Variants in ZNF383 observed in about 807,000 individuals in gnomAD.
ZNF383 encodes the protein zinc finger protein 383.
ZNF383 carries 32 observed loss-of-function variants against 44.2 expected under a neutral mutation model. That is an observed-to-expected ratio of 0.72 (90% confidence interval 0.55 to 0.97). The LOEUF (loss-of-function observed/expected upper bound fraction) is 0.97, where lower values mean the gene tolerates loss of function less well. Among genes scored for constraint, ZNF383 ranks in the 50% least tolerant of loss-of-function variants. The pLI, the probability that ZNF383 is intolerant of heterozygous loss-of-function variation, is 0.00. For synonymous variants in ZNF383, 155 were observed against 186.2 expected (o/e 0.83, Z 1.36); for missense variants, 487 against 562.5 (o/e 0.87, Z 1.36).
chr19:37,233,573 G>A (rs895946799), intron 3 of ZNF383, among the ~76,000 whole-genome samples: 2 of 151,750 alleles, frequency 1.3e-5, no homozygotes, highest in Non-Finnish European at 2.9e-5. Context: ...GGGACTACAG[G>A]CGCACACCAC....
In ZNF383 at chr19:37,242,846, G is replaced by A. The variant is rs929638695; in HGVS notation, c.610G>A (p.Gly204Arg). ...AAAATCTTATGAATGTAAAGAGTGT[G>A]GGAAATTCTTTAGTTGTGGTTCACA... ...GEKSYECKEC[G>R]KFFSCGSHVT... The change falls in exon 6 of 6, where the codon GGG (glycine) becomes AGG (arginine). Residue 204 changes from glycine to arginine, a missense_variant. Transcript: ENST00000684119. The A allele has an allele frequency of 1.9e-6, 3 of 1,613,914 alleles. No homozygotes were observed. Among genetic ancestry groups the A allele is most frequent in the Non-Finnish European group, 2.5e-6 (3 of 1,179,880 alleles).
intron 1 of ZNF383, among the ~76,000 whole-genome samples, chr19:37,221,197 T>C (rs1972902349): frequency 6.6e-6 from 1 of 152,240 alleles, no homozygotes; most frequent in African/African-American, 2.4e-5. Flanking sequence ...AACATTATAG[T>C]CATCTTGTAT....
At chr19:37,234,540 C>G (rs1415722749) in intron 3 of ZNF383, among the ~76,000 whole-genome samples, 2 of 152,138 alleles carry the variant, frequency 1.3e-5, no homozygotes, top group African/African-American at 4.8e-5. Context: ...CAGGCGCCCG[C>G]CACCACGCCT....
At chr19:37,225,199 G>C (rs1568520434) in intron 2 of ZNF383, 1 of 151,844 alleles carries the variant, frequency 6.6e-6, no homozygotes, top group Non-Finnish European at 1.5e-5. Flanking sequence ...AGGTTCAAGT[G>C]ATCTCCTGCC....
chr19:37,222,300 G>A (rs896635733), intron 1 of ZNF383, among the ~76,000 whole-genome samples: 1 of 152,052 alleles, frequency 6.6e-6, no homozygotes, highest in Non-Finnish European at 1.5e-5. Context: ...CCATGTTGCT[G>A]CACGTTAGTT....
chr19:37,247,490 T>A lies in ZNF383; in HGVS notation c.*3826T>A, dbSNP rs1974409893. The A allele has an allele frequency of 6.6e-6, 1 of 152,100 alleles. No homozygotes were observed. Among genetic ancestry groups the A allele is most frequent in the Admixed American group, 6.6e-5 (1 of 15,252 alleles). The allele number at this position is 152,100 out of a possible 1,614,324, so 9.4% of individuals were successfully genotyped here. A position where few individuals can be genotyped will look rare whatever the true frequency, so the allele number is the denominator to read the frequency against. On this transcript the variant is annotated 3_prime_UTR_variant, in exon 6 of 6. Transcript: ENST00000684119. ...ACTACAGGTCACTCAACTATACACT[T>A]TAAAAGGGTGAATATTATGCTGTGT...
intron 2 of ZNF383, 106 bp downstream of exon 2, chr19:37,225,045 T>C (rs1385290220): frequency 6.6e-6 from 1 of 152,226 alleles, no homozygotes; most frequent in African/African-American, 2.4e-5. Flanking sequence ...TCACCTGCCT[T>C]GGCCTCCCAA....
At chr19:37,235,900 T>G (rs1973766339) in intron 4 of ZNF383, 79 bp from the exon 5 acceptor site, 1 of 1,336,112 alleles carries the variant, frequency 7.5e-7, no homozygotes, top group Non-Finnish European at 1.0e-6. Flanking sequence ...TGTAGTGGCA[T>G]CTCTTCCTGT....
At chr19:37,241,844 A>T (rs927207529) in intron 5 of ZNF383, among the ~76,000 whole-genome samples, 1 of 151,620 alleles carries the variant, frequency 6.6e-6, no homozygotes, top group Non-Finnish European at 1.5e-5. Flanking sequence ...GAGACCTTTA[A>T]TGGAGGCTAG....
intron 3 of ZNF383, 126 bp from the exon 4 acceptor site, chr19:37,235,423 C>T: frequency 1.1e-6 from 1 of 916,114 alleles, no homozygotes; most frequent in Non-Finnish European, 1.7e-6. Context: ...TTTCTGAAAT[C>T]TAAAGATACA....
Position 37,242,997 on chromosome 19 carries a change from A to C in ZNF383, c.761A>C (p.Tyr254Ser). The change falls in exon 6 of 6, where the codon TAT (tyrosine) becomes TCT (serine). Residue 254 changes from tyrosine (Y) to serine (S), a missense_variant. Tyr to Ser is a moderately radical substitution (Grantham distance 144). Coordinates refer to ENST00000684119, the MANE Select transcript of ZNF383 (RefSeq NM_001387601.1). Reference protein sequence around the residue: ...HQRIHTGKKPYECKECGKAFS... With the variant: ...HQRIHTGKKPSECKECGKAFS... ...AGAATCCATACCGGTAAGAAACCCT[A>C]TGAATGTAAGGAATGTGGGAAGGCC... is the stretch of plus-strand genomic sequence containing the variant. The C allele has an allele frequency of 6.2e-7, 1 of 1,614,104 alleles. No individual in the cohort carries two copies. The highest frequency in any genetic ancestry group is 2.2e-5 in the East Asian group (1 of 44,878).
intron 3 of ZNF383, among the ~76,000 whole-genome samples, chr19:37,232,073 GT>G (rs1555782918): frequency 6.6e-6 from 1 of 150,542 alleles, no homozygotes; most frequent in Non-Finnish European, 1.5e-5. Flanking sequence ...CCTCAAAAAG[GT>G]TTTTTTGTTT....
chr19:37,242,655 A>T lies in ZNF383; in HGVS notation c.419A>T (p.Gln140Leu). The change falls in exon 6 of 6, where the codon CAA becomes CTA. Residue 140 changes from glutamine to leucine, a missense_variant. Physicochemically the swap from Gln to Leu is moderately radical, Grantham distance 113. Coordinates refer to ENST00000684119, the MANE Select transcript of ZNF383 (RefSeq NM_001387601.1). ...QLGYPNGHFSQEIFTPEYMPT... is the reference protein window; with the variant it reads ...QLGYPNGHFSLEIFTPEYMPT... The stretch of plus-strand genomic sequence containing the variant: ...GGATATCCAAATGGGCATTTTAGTC[A>T]AGAAATATTCACTCCTGAATACATG... 6.2e-7 allele frequency: 1 copy of T among 1,614,142 alleles called. No individual in the cohort carries two copies. The highest frequency in any genetic ancestry group is 8.5e-7 in the Non-Finnish European group (1 of 1,179,994).
rs1327638137 is a variant in ZNF383, at chr19:37,243,355, G to A, written c.1119G>A (p.Lys373=). The A allele has an allele frequency of 1.2e-6, 2 of 1,614,078 alleles. No homozygotes were observed. Among genetic ancestry groups the A allele is most frequent in the East Asian group, 4.5e-5 (2 of 44,858 alleles). ...EKPYDCKECG[K]AFTQSSQLRQ... ...CCTATGATTGTAAGGAATGTGGAAA[G>A]GCTTTTACTCAGAGCTCACAGCTTC... The change falls in exon 6 of 6, where the codon AAG becomes AAA. Residue 373 remains lysine, a synonymous_variant. Coordinates refer to ENST00000684119, the MANE Select transcript of ZNF383 (RefSeq NM_001387601.1).
chr19:37,232,142 C>T (rs1973521211), intron 3 of ZNF383, among the ~76,000 whole-genome samples: 1 of 150,784 alleles, frequency 6.6e-6, no homozygotes, highest in Non-Finnish European at 1.5e-5. Context: ...GTGGCACGAT[C>T]TCGGCTCACT....
chr19:37,233,447 T>G lies in ZNF383; in HGVS notation c.10-2102T>G, dbSNP rs543714144. Among the ~76,000 whole-genome samples the G allele has an allele frequency of 2.8e-4, 42 of 151,200 alleles. No individual in the cohort carries two copies. The East Asian group carries it at 4.1e-3, about 15-fold the overall frequency. On this transcript the variant is annotated intron_variant, in intron 3 of 5. Transcript: ENST00000684119. ...CGCCCGGCTGTTTTTATTTTTTTTT[T>G]GGGATGGAGTCTTGCTCTCTTGCCC...
intron 5 of ZNF383, 77 bp from the exon 6 acceptor site, chr19:37,242,391 AT>A: frequency 1.1e-6 from 1 of 937,524 alleles, no homozygotes; most frequent in Non-Finnish European, 1.6e-6. Context: ...TCTTACTTTA[AT>A]TTTTCCATTT....
chr19:37,231,859 C>T (rs1973501782), intron 3 of ZNF383, among the ~76,000 whole-genome samples: 1 of 152,102 alleles, frequency 6.6e-6, no homozygotes, highest in Non-Finnish European at 1.5e-5. Context: ...TTATGAAGAC[C>T]TTTTTCTCCC....
At chr19:37,237,081 A>G (rs1472246375) in intron 5 of ZNF383, among the ~76,000 whole-genome samples, 1 of 151,742 alleles carries the variant, frequency 6.6e-6, no homozygotes, top group Admixed American at 6.6e-5. Flanking sequence ...GACTGTCTTC[A>G]ATGTTTCCTT....
Sources: allele counts gnomAD v4.1 joint callset (sites outside exome capture counted in the v4.1 genomes callset), GRCh38; gene constraint gnomAD v4.1.1; transcripts MANE v1.5; gene names NCBI Gene and HGNC (gene_info 2026-07-23, HGNC 2026-07-21).